RMI1: variants seen among roughly 807,000 people sequenced by gnomAD.
The protein encoded by RMI1 is RecQ mediated genome instability 1, also known as recQ-mediated genome instability protein 1.
In RMI1, 36 loss-of-function variants were observed where a neutral mutation model predicts 46.7. The observed-to-expected ratio is 0.77, with a 90% CI of 0.59 to 1.02. The LOEUF (loss-of-function observed/expected upper bound fraction) is 1.02. RMI1 is among the 50% of genes least tolerant of loss of function. The probability of loss-of-function intolerance (pLI) is 0.00; values close to 1 mark genes in which losing one functional copy is unlikely to be tolerated. For missense variants in RMI1, 676 were observed against 713.7 expected (o/e 0.95, Z 0.60); for synonymous variants, 250 against 252.9 (o/e 0.99, Z 0.11).
chr9:83,989,177 CTCTT>C (rs1957532394), intron 1 of RMI1, among the ~76,000 whole-genome samples: 1 of 152,138 alleles, frequency 6.6e-6, no homozygotes, highest in African/African-American at 2.4e-5. Context: ...CCTTTCAAAT[CTCTT>C]TCTTATTTTG....
chr9:83,999,365 A>G (rs1957705966), intron 1 of RMI1, among the ~76,000 whole-genome samples: 1 of 152,072 alleles, frequency 6.6e-6, no homozygotes, highest in Non-Finnish European at 1.5e-5. Flanking sequence ...AAATCCTGTT[A>G]TTCTTGTTTT....
At chr9:84,000,790 C>A (rs1198936082) in intron 2 of RMI1, among the ~76,000 whole-genome samples, 161 bp from the exon 3 acceptor site, 1 of 152,124 alleles carries the variant, frequency 6.6e-6, no homozygotes, top group Non-Finnish European at 1.5e-5. Context: ...TTGATTTTCT[C>A]ATTTTACCAT....
At position 84,001,253 on chromosome 9, in the gene RMI1, T is replaced by C; in HGVS notation, c.267T>C (p.Ile89=). ...TAAATGGATTTTATGCTCTGCAGATTAATTCCTTGGTTGATGTAAGTCAGC... is the reference window on the plus strand; with the variant it reads ...TAAATGGATTTTATGCTCTGCAGATCAATTCCTTGGTTGATGTAAGTCAGC... ...GELNGFYALQ[I]NSLVDVSQPA... The change falls in exon 3 of 3, where the codon ATT becomes ATC. Residue 89 remains isoleucine (I), a synonymous_variant. Transcript: ENST00000445877. 6.2e-7 allele frequency: 1 copy of C among 1,614,134 alleles called. No homozygotes were observed. Among genetic ancestry groups the C allele is most frequent in the Admixed American group, 1.7e-5 (1 of 60,018 alleles).
intron 1 of RMI1, among the ~76,000 whole-genome samples, chr9:83,992,254 AT>A (rs921986952): frequency 5.1e-4 from 77 of 152,316 alleles, no homozygotes; most frequent in African/African-American, 1.8e-3. Flanking sequence ...TGGCAACCTT[AT>A]TTGAAGGTTT....
In RMI1 at chr9:84,001,663, A is replaced by G; in HGVS notation, c.677A>G (p.Asn226Ser). Residue 226 changes from asparagine (N) to serine (S), a missense_variant, in exon 3 of 3, where the codon AAC (asparagine) becomes AGC (serine). Coordinates refer to ENST00000445877, the MANE Select transcript of RMI1 (RefSeq NM_001358291.2). ...LVVSVIPNNS[N>S]ENIPRVTDVL... ...GTTTCAGTCATACCAAACAATTCTA[A>G]CGAAAACATTCCCAGAGTTACAGAT... The G allele has an allele frequency of 6.2e-7, 1 of 1,613,998 alleles. No homozygotes were observed. Among genetic ancestry groups the G allele is most frequent in the South Asian group, 1.1e-5 (1 of 91,084 alleles).
chr9:83,991,321 A>G (rs1483796497), intron 1 of RMI1, among the ~76,000 whole-genome samples: 4 of 148,902 alleles, frequency 2.7e-5, no homozygotes, highest in Non-Finnish European at 5.9e-5. Flanking sequence ...TTTTTTTTTA[A>G]CTAATATTTT....
chr9:84,002,385 C>CA lies in RMI1; in HGVS notation c.1400dup (p.Ser468GlufsTer10). 1 of 1,611,064 alleles carries CA rather than the reference C, an allele frequency of 6.2e-7. No individual in the cohort carries two copies. Among genetic ancestry groups the CA allele is most frequent in the Non-Finnish European group, 8.5e-7 (1 of 1,178,020 alleles). ...TTCTAATGAAAATGATTGTAATTTA[C>CA]AGAGTTGTTCTTTAAGATCATCAGA... On this transcript the variant is annotated frameshift_variant, in exon 3 of 3. Transcript: ENST00000445877. LOFTEE classifies it high-confidence loss of function.
At chr9:83,992,873 CTCTT>C (rs918170481) in intron 1 of RMI1, 2 of 151,876 alleles carry the variant, frequency 1.3e-5, no homozygotes, top group Admixed American at 6.5e-5. Context: ...CCTTTTTTCT[CTCTT>C]CCATCTTTTT....
upstream of RMI1, chr9:83,980,506 T>C (rs535077158): frequency 6.5e-6 from 1 of 152,976 alleles, no homozygotes; most frequent in East Asian, 1.9e-4. Context: ...CAATTACCTA[T>C]AGGCCGCGAA....
At chr9:83,982,200 A>G (rs1165031450) in intron 1 of RMI1, among the ~76,000 whole-genome samples, 1 of 152,232 alleles carries the variant, frequency 6.6e-6, no homozygotes, top group Non-Finnish European at 1.5e-5. Context: ...TGCAACATTT[A>G]ATTGAGTTTG....
At chr9:83,989,034 A>G (rs963683052) in intron 1 of RMI1, among the ~76,000 whole-genome samples, 17 of 152,042 alleles carry the variant, frequency 1.1e-4, no homozygotes, top group Non-Finnish European at 2.1e-4. Context: ...TTTTGTTTAT[A>G]TTTTTGTAGA....
At chr9:83,984,260 GTATGAA>G (rs1957458479) in intron 1 of RMI1, among the ~76,000 whole-genome samples, 1 of 145,960 alleles carries the variant, frequency 6.9e-6, no homozygotes, top group African/African-American at 2.6e-5. Flanking sequence ...GGATAATATG[GTATGAA>G]CATACCTTTT....
At chr9:83,983,206 G>T (rs1957444854) in intron 1 of RMI1, among the ~76,000 whole-genome samples, 1 of 152,064 alleles carries the variant, frequency 6.6e-6, no homozygotes, top group African/African-American at 2.4e-5. Flanking sequence ...TGAGCAAGTT[G>T]TTAGTTATCT....
intron 2 of RMI1, among the ~76,000 whole-genome samples, chr9:84,000,339 T>A (rs962533105): frequency 6.6e-6 from 1 of 152,208 alleles, no homozygotes; most frequent in Non-Finnish European, 1.5e-5. Context: ...AAGTTTTAAA[T>A]TTAGTGCTGT....
chr9:83,989,767 CTG>C (rs1413590731), intron 1 of RMI1, among the ~76,000 whole-genome samples: 1 of 151,974 alleles, frequency 6.6e-6, no homozygotes, highest in Non-Finnish European at 1.5e-5. Context: ...AGTGTAGCCT[CTG>C]TAAAAAACAG....
chr9:84,001,761 G>T lies in RMI1; in HGVS notation c.775G>T (p.Ala259Ser). The T allele has an allele frequency of 6.2e-7, 1 of 1,613,980 alleles. No homozygotes were observed. Among genetic ancestry groups the T allele is most frequent in the Non-Finnish European group, 8.5e-7 (1 of 1,179,964 alleles). The change falls in exon 3 of 3, where the codon GCA becomes TCA. Residue 259 changes from alanine to serine, a missense_variant. Physicochemically the swap from Ala to Ser is moderately conservative, Grantham distance 99. Coordinates refer to ENST00000445877, the MANE Select transcript of RMI1 (RefSeq NM_001358291.2). ...TCTTGATGAAAATGATGAGCTTACA[G>T]CAAATAATGACACTTCCTCAGAACG... ...ASLDENDELT[A>S]NNDTSSERCF...
intron 1 of RMI1, among the ~76,000 whole-genome samples, chr9:83,991,644 T>C (rs1338801610): frequency 6.6e-6 from 1 of 152,220 alleles, no homozygotes; most frequent in African/African-American, 2.4e-5. Context: ...GGAAAACTTT[T>C]AGGAAACCAA....
At chr9:83,995,005 A>G (rs1224720020) in intron 1 of RMI1, among the ~76,000 whole-genome samples, 1 of 152,028 alleles carries the variant, frequency 6.6e-6, no homozygotes, top group African/African-American at 2.4e-5. Flanking sequence ...ACCATTATTT[A>G]TTTATTTATT....
intron 1 of RMI1, among the ~76,000 whole-genome samples, chr9:83,993,946 AT>A (rs35033710): frequency 0.66 from 83,308 of 127,102 alleles, 26,933 homozygotes; most frequent in Admixed American, 0.74. Context: ...TGCCCGGCTA[AT>A]TTTTTTTTTT....
Sources: gnomAD v4.1 joint callset for allele counts (sites outside exome capture counted in the v4.1 genomes callset) on GRCh38, gnomAD v4.1.1 for gene constraint, MANE v1.5 for transcripts, NCBI Gene and HGNC (gene_info 2026-07-23, HGNC 2026-07-21) for gene names.